NRXN1: variants seen among roughly 807,000 people sequenced by gnomAD.
NRXN1 encodes the protein neurexin 1.
Under a neutral mutation model 150.9 loss-of-function variants are expected in NRXN1, and 39 were observed. That is an observed-to-expected ratio of 0.26 (90% CI 0.20 to 0.34). The LOEUF is 0.34. Ranked by LOEUF, NRXN1 falls within the 10% of genes least tolerant of loss-of-function variation. The pLI is 1.00. For synonymous variants in NRXN1, 924 were observed against 757.0 expected (o/e 1.22, Z -3.62); for missense variants, 1,815 against 1,949.9 (o/e 0.93, Z 1.30).
At chr2:50,157,956 G>A (rs1197999074) in intron 18 of NRXN1, among the ~76,000 whole-genome samples, 2 of 151,302 alleles carry the variant, frequency 1.3e-5, no homozygotes, top group Non-Finnish European at 3.0e-5. Flanking sequence ...GTGGATAGAT[G>A]AAACCTTGGG....
intron 19 of NRXN1, among the ~76,000 whole-genome samples, chr2:50,069,857 T>G (rs1393483243): frequency 6.7e-6 from 1 of 149,920 alleles, no homozygotes; most frequent in East Asian, 2.0e-4. Context: ...GTTTTTTTTT[T>G]TTTTTTTTTT....
intron 9 of NRXN1, among the ~76,000 whole-genome samples, chr2:50,541,264 C>T (rs2093382912): frequency 6.6e-6 from 1 of 152,140 alleles, no homozygotes; most frequent in East Asian, 1.9e-4. Flanking sequence ...GCTGTACTGT[C>T]CTTGCTCAGG....
chr2:50,445,961 TA>T lies in NRXN1; in HGVS notation c.3364+19480del, dbSNP rs1176414917. Among the ~76,000 whole-genome samples, 7 of 152,280 alleles carry T rather than the reference TA, an allele frequency of 4.6e-5. No homozygotes were observed. In the South Asian group the frequency reaches 1.2e-3, roughly 27 times the overall value. Reference sequence around the variant, plus strand: ...GACATTCTCAATTTCTTTATCTTTTTAAATAGACATTAAAAAATTCATAAAC... The same window carrying T: ...GACATTCTCAATTTCTTTATCTTTTTAATAGACATTAAAAAATTCATAAAC... On this transcript the variant is annotated intron_variant, in intron 17 of 22. Coordinates refer to ENST00000401669, the MANE Select transcript of NRXN1 (RefSeq NM_001330078.2).
At chr2:50,913,819 T>A (rs1490741987) in intron 5 of NRXN1, among the ~76,000 whole-genome samples, 1 of 151,704 alleles carries the variant, frequency 6.6e-6, no homozygotes, top group Non-Finnish European at 1.5e-5. Flanking sequence ...AGGTATAATA[T>A]GAATGCAAAA....
intron 10 of NRXN1, among the ~76,000 whole-genome samples, chr2:50,532,792 C>T (rs189084096): frequency 2.6e-5 from 4 of 152,118 alleles, no homozygotes; most frequent in East Asian, 3.9e-4. Flanking sequence ...GACAACCTGA[C>T]GGCTTTAAGA....
intron 17 of NRXN1, among the ~76,000 whole-genome samples, chr2:50,314,702 T>G (rs2075451414): frequency 6.6e-6 from 1 of 152,076 alleles, no homozygotes; most frequent in African/African-American, 2.4e-5. Flanking sequence ...ATATATTTTT[T>G]GTAAATTTAA....
At chr2:50,831,118 T>C (rs1671350547) in intron 5 of NRXN1, among the ~76,000 whole-genome samples, 1 of 152,190 alleles carries the variant, frequency 6.6e-6, no homozygotes, top group South Asian at 2.1e-4. Context: ...CCTTAAGTTA[T>C]TTATAAATGT....
intron 5 of NRXN1, among the ~76,000 whole-genome samples, chr2:50,895,848 G>A (rs1168510928): frequency 1.3e-5 from 2 of 152,044 alleles, no homozygotes; most frequent in Non-Finnish European, 2.9e-5. Flanking sequence ...CCAAAGTGCT[G>A]GGATTACAGG....
intron 17 of NRXN1, among the ~76,000 whole-genome samples, chr2:50,337,239 C>T (rs766254768): frequency 1.3e-5 from 2 of 151,984 alleles, no homozygotes; most frequent in South Asian, 2.1e-4. Flanking sequence ...GCAAAGGCCA[C>T]CATGCCCAGC....
chr2:50,568,338 T>C (rs571123295), intron 8 of NRXN1, among the ~76,000 whole-genome samples: 9 of 151,974 alleles, frequency 5.9e-5, no homozygotes, highest in Non-Finnish European at 1.2e-4. Context: ...AAGGAAACAA[T>C]AAACAAAGTG....
chr2:50,059,973 G>T (rs1694267173), intron 19 of NRXN1, among the ~76,000 whole-genome samples: 1 of 152,188 alleles, frequency 6.6e-6, no homozygotes, highest in Admixed American at 6.5e-5. Flanking sequence ...AAGAAAATGT[G>T]AGTGGGAGCC....
chr2:50,373,004 C>T (rs531994466), intron 17 of NRXN1, among the ~76,000 whole-genome samples: 1 of 152,188 alleles, frequency 6.6e-6, no homozygotes, highest in East Asian at 1.9e-4. Context: ...TAGCACTCCA[C>T]AACACCATTG....
intron 5 of NRXN1, among the ~76,000 whole-genome samples, chr2:50,624,115 T>C (rs1680557127): frequency 6.6e-6 from 1 of 152,124 alleles, no homozygotes; most frequent in Non-Finnish European, 1.5e-5. Flanking sequence ...GCCGCACTAT[T>C]CACAATAGCA....
chr2:50,007,839 A>C (rs1481256656), intron 21 of NRXN1, among the ~76,000 whole-genome samples: 1 of 151,826 alleles, frequency 6.6e-6, no homozygotes, highest in Non-Finnish European at 1.5e-5. Context: ...ACTAATTTAC[A>C]CTCCCACCAA....
chr2:50,362,981 G>GC (rs1219679950), intron 17 of NRXN1, among the ~76,000 whole-genome samples: 1 of 152,130 alleles, frequency 6.6e-6, no homozygotes, highest in Admixed American at 6.6e-5. Context: ...ATGAAAACAA[G>GC]CAATGGGGAA....
intron 17 of NRXN1, among the ~76,000 whole-genome samples, chr2:50,371,832 A>C (rs368069556): frequency 1.3e-5 from 2 of 152,048 alleles, no homozygotes; most frequent in Non-Finnish European, 2.9e-5. Flanking sequence ...ATCCAAGCTT[A>C]CAGCCAATAA....
At chr2:50,078,501 C>T in intron 19 of NRXN1, among the ~76,000 whole-genome samples, 1 of 152,144 alleles carries the variant, frequency 6.6e-6, no homozygotes, top group South Asian at 2.1e-4. Context: ...AAACTGTTGA[C>T]TAAAGTATAC....
At chr2:50,369,381 C>T (rs1376667354) in intron 17 of NRXN1, among the ~76,000 whole-genome samples, 5 of 151,978 alleles carry the variant, frequency 3.3e-5, no homozygotes, top group African/African-American at 1.2e-4. Context: ...ATTAAGTGTA[C>T]TCTGTTTGAT....
chr2:50,945,535 T>C (rs970196024), intron 2 of NRXN1, among the ~76,000 whole-genome samples: 3 of 151,750 alleles, frequency 2.0e-5, no homozygotes, highest in African/African-American at 4.8e-5. Context: ...TATATATATA[T>C]ATGGCTATGT....
Sources: allele counts gnomAD v4.1 joint callset (sites outside exome capture counted in the v4.1 genomes callset), GRCh38; gene constraint gnomAD v4.1.1; transcripts MANE v1.5; gene names NCBI Gene and HGNC (gene_info 2026-07-23, HGNC 2026-07-21).